Variants in KCNH5 observed in about 807,000 individuals in gnomAD.
KCNH5 encodes the protein voltage-gated delayed rectifier potassium channel KCNH5.
KCNH5 carries 46 observed loss-of-function variants against 96.1 expected under a neutral mutation model. The ratio of observed to expected loss-of-function variants is 0.48; its 90% CI spans 0.38 to 0.61. The LOEUF (loss-of-function observed/expected upper bound fraction) is 0.61. Ranked by LOEUF, KCNH5 falls within the 20% of genes least tolerant of loss-of-function variation. The pLI is 0.00. For synonymous variants in KCNH5, 439 were observed against 449.8 expected (o/e 0.98, Z 0.30); for missense variants, 907 against 1,225.8 (o/e 0.74, Z 3.88).
chr14:62,888,983 T>A (rs901797582), intron 7 of KCNH5, among the ~76,000 whole-genome samples: 5 of 152,162 alleles, frequency 3.3e-5, no homozygotes, highest in Non-Finnish European at 7.4e-5. Flanking sequence ...GGAGTCAAAT[T>A]TATCCTTAAG....
intron 10 of KCNH5, among the ~76,000 whole-genome samples, chr14:62,740,604 C>T (rs973814458): frequency 6.6e-6 from 1 of 152,088 alleles, no homozygotes; most frequent in African/African-American, 2.4e-5. Context: ...GGATAACATC[C>T]CTATATTTCA....
chr14:62,943,766 C>G (rs1889834214), intron 7 of KCNH5, among the ~76,000 whole-genome samples: 2 of 152,072 alleles, frequency 1.3e-5, no homozygotes, highest in African/African-American at 4.8e-5. Context: ...GCCACCAGAG[C>G]AGTGGAGGTC....
At position 62,810,802 on chromosome 14, in the gene KCNH5, A is replaced by G. The variant is rs145185584; in HGVS notation, c.1570-8221T>C. 8.8e-3 allele frequency among the ~76,000 whole-genome samples: 1,337 copies of G among 152,242 alleles called. 14 individuals are homozygous for G. Among genetic ancestry groups the G allele is most frequent in the African/African-American group, 0.029 (1,210 of 41,550 alleles). On this transcript the variant is annotated intron_variant, in intron 8 of 10. Coordinates refer to ENST00000322893, the MANE Select transcript of KCNH5 (RefSeq NM_139318.5). Reference sequence around the variant, plus strand: ...GGGCTGCTTTGTGTATGGAGTAGCCATTCTTTCACTCCTTTACTTTCTTAA... The same window carrying G: ...GGGCTGCTTTGTGTATGGAGTAGCCGTTCTTTCACTCCTTTACTTTCTTAA...
At chr14:62,722,568 G>T (rs1228369873) in intron 10 of KCNH5, among the ~76,000 whole-genome samples, 2 of 152,148 alleles carry the variant, frequency 1.3e-5, no homozygotes, top group Non-Finnish European at 2.9e-5. Flanking sequence ...GAAATTAAAT[G>T]ATTAAAGAGG....
intron 7 of KCNH5, among the ~76,000 whole-genome samples, chr14:62,885,814 A>G (rs1888584360): frequency 6.6e-6 from 1 of 152,218 alleles, no homozygotes; most frequent in South Asian, 2.1e-4. Context: ...TATTTATCAT[A>G]ATGTAGTAGA....
intron 10 of KCNH5, among the ~76,000 whole-genome samples, chr14:62,731,339 A>G (rs949433109): frequency 1.3e-5 from 2 of 151,620 alleles, no homozygotes; most frequent in Non-Finnish European, 2.9e-5. Flanking sequence ...ATAAATAAAT[A>G]AAATTAAATT....
chr14:62,932,622 T>C (rs1240693618), intron 7 of KCNH5, among the ~76,000 whole-genome samples: 1 of 152,060 alleles, frequency 6.6e-6, no homozygotes, highest in East Asian at 1.9e-4. Context: ...AATAGGCATT[T>C]CCAAATGATT....
rs771984476 is a variant in KCNH5, at chr14:62,779,820, G to T, written c.1927C>A (p.Arg643=). 6.2e-7 allele frequency: 1 copy of T among 1,613,946 alleles called. No individual in the cohort carries two copies. The highest frequency in any genetic ancestry group is 8.5e-7 in the Non-Finnish European group (1 of 1,179,864). Residue 643 remains arginine (R), a synonymous_variant, in exon 10 of 11, where the codon CGG becomes AGG. Transcript: ENST00000322893. The part of the protein sequence containing the change: ...LTYCDLHIIK[R]EALLKVLDFY... ...TCCAGGACTTTGAGCAAGGCTTCCCGCTTGATGATGTGTAGGTCACAGTAC... is the reference window on the plus strand; with the variant it reads ...TCCAGGACTTTGAGCAAGGCTTCCCTCTTGATGATGTGTAGGTCACAGTAC...
Position 62,777,363 on chromosome 14 carries a change from A to G in KCNH5, c.2019+2365T>C, listed in dbSNP as rs142427632. ...CCAGTCTTAGAAACTTAACGTCTTCATGGGTGAAATGGAGACTATACTGCT... is the reference window on the plus strand; with the variant it reads ...CCAGTCTTAGAAACTTAACGTCTTCGTGGGTGAAATGGAGACTATACTGCT... On this transcript the variant is annotated intron_variant, in intron 10 of 10. Coordinates refer to ENST00000322893, the MANE Select transcript of KCNH5 (RefSeq NM_139318.5). Among the ~76,000 whole-genome samples, 10 of 152,318 alleles carry G rather than the reference A, an allele frequency of 6.6e-5. 1 individual carries two copies. The East Asian group carries it at 1.9e-3, about 29-fold the overall frequency.
In KCNH5 at chr14:62,875,856, T is replaced by C. The variant is rs113763994; in HGVS notation, c.1370-26004A>G. Among the ~76,000 whole-genome samples, 37 of 152,100 alleles carry C rather than the reference T, an allele frequency of 2.4e-4. 2 individuals carry two copies. Among genetic ancestry groups the C allele is most frequent in the African/African-American group, 7.7e-4 (32 of 41,466 alleles). Reference sequence around the variant, plus strand: ...GAAATTGTCAATGTTACGTTGTTGATTAGGTTTTATTGCCTTCCTTTAAGA... The same window carrying C: ...GAAATTGTCAATGTTACGTTGTTGACTAGGTTTTATTGCCTTCCTTTAAGA... On this transcript the variant is annotated intron_variant, in intron 7 of 10. Coordinates refer to ENST00000322893, the MANE Select transcript of KCNH5 (RefSeq NM_139318.5).
intron 8 of KCNH5, among the ~76,000 whole-genome samples, chr14:62,814,249 A>G (rs1886928740): frequency 1.3e-5 from 2 of 152,172 alleles, no homozygotes; most frequent in South Asian, 4.1e-4. Context: ...TGCAGTAACA[A>G]CAAACAGCAA....
intron 10 of KCNH5, among the ~76,000 whole-genome samples, chr14:62,715,618 A>T (rs1325069651): frequency 2.0e-5 from 3 of 152,198 alleles, no homozygotes; most frequent in Non-Finnish European, 4.4e-5. Flanking sequence ...GGTAACAATG[A>T]TGCATGATAC....
chr14:62,770,775 T>A (rs1885968573), intron 10 of KCNH5, among the ~76,000 whole-genome samples: 4 of 152,208 alleles, frequency 2.6e-5, no homozygotes. Context: ...TCCCCAGTAA[T>A]GTTACACTCC....
At chr14:62,771,024 G>A (rs1459350813) in intron 10 of KCNH5, among the ~76,000 whole-genome samples, 2 of 152,094 alleles carry the variant, frequency 1.3e-5, no homozygotes, top group African/African-American at 4.8e-5. Context: ...TTTATAACAA[G>A]AGACTCGAGA....
chr14:62,941,413 C>T (rs914742035), intron 7 of KCNH5, among the ~76,000 whole-genome samples: 1 of 152,144 alleles, frequency 6.6e-6, no homozygotes, highest in Non-Finnish European at 1.5e-5. Flanking sequence ...TTTCTAACTA[C>T]TGGACTACAC....
intron 2 of KCNH5, among the ~76,000 whole-genome samples, chr14:63,010,055 A>G (rs1422295526): frequency 6.6e-6 from 1 of 152,186 alleles, no homozygotes; most frequent in African/African-American, 2.4e-5. Flanking sequence ...CCTCCTTGGT[A>G]ATTATAAATG....
intron 7 of KCNH5, among the ~76,000 whole-genome samples, chr14:62,915,518 G>A (rs1889256799): frequency 6.6e-6 from 1 of 152,174 alleles, no homozygotes; most frequent in South Asian, 2.1e-4. Flanking sequence ...TGCAGTAAAA[G>A]TAAAGGTAGA....
At chr14:63,015,444 G>A (rs780923184) in intron 2 of KCNH5, among the ~76,000 whole-genome samples, 21 of 152,062 alleles carry the variant, frequency 1.4e-4, no homozygotes, top group Non-Finnish European at 2.1e-4. Flanking sequence ...AATCCCTTCT[G>A]TATAACATGG....
chr14:63,004,830 T>C (rs149680356), intron 3 of KCNH5, among the ~76,000 whole-genome samples: 406 of 152,294 alleles, frequency 2.7e-3, no homozygotes, highest in Middle Eastern at 6.8e-3. Context: ...TACATATTTT[T>C]TGAGAAACTC....
Sources: allele counts gnomAD v4.1 joint callset (sites outside exome capture counted in the v4.1 genomes callset), GRCh38; gene constraint gnomAD v4.1.1; transcripts MANE v1.5; gene names NCBI Gene and HGNC (gene_info 2026-07-23, HGNC 2026-07-21).